AK5: variants seen among roughly 807,000 people sequenced by gnomAD.
AK5 encodes the protein adenylate kinase isoenzyme 5.
AK5 carries 27 observed loss-of-function variants against 69.5 expected under a neutral mutation model. The observed-to-expected ratio is 0.39, with a 90% CI of 0.29 to 0.54. The LOEUF is 0.54. AK5 is among the 20% of genes least tolerant of loss of function. The pLI is 0.71. For synonymous variants in AK5, 260 were observed against 244.4 expected (o/e 1.06, Z -0.60); for missense variants, 531 against 700.4 (o/e 0.76, Z 2.73).
chr1:77,538,893 G>C (rs539075777), intron 13 of AK5, among the ~76,000 whole-genome samples: 10 of 152,146 alleles, frequency 6.6e-5, no homozygotes, highest in Non-Finnish European at 1.2e-4. Flanking sequence ...TTCTAAGTTA[G>C]TGGTGTCCAA....
intron 10 of AK5, among the ~76,000 whole-genome samples, chr1:77,491,635 T>C (rs1217281153): frequency 3.3e-5 from 5 of 152,226 alleles, no homozygotes; most frequent in Admixed American, 2.0e-4. Context: ...ATCTACCTGC[T>C]GCTTAACATG....
intron 8 of AK5, among the ~76,000 whole-genome samples, chr1:77,479,366 C>T (rs899933783): frequency 2.6e-5 from 4 of 151,916 alleles, no homozygotes; most frequent in Non-Finnish European, 4.4e-5. Flanking sequence ...CCACTATGCC[C>T]GGCTAATTTT....
At chr1:77,431,501 G>A (rs554948105) in intron 8 of AK5, among the ~76,000 whole-genome samples, 1 of 152,290 alleles carries the variant, frequency 6.6e-6, no homozygotes, top group East Asian at 1.9e-4. Context: ...AGCATTGGCA[G>A]AGTATAAGTG....
intron 6 of AK5, among the ~76,000 whole-genome samples, chr1:77,342,406 A>G (rs1212062146): frequency 2.0e-5 from 3 of 152,152 alleles, no homozygotes; most frequent in African/African-American, 7.2e-5. Context: ...GGATATTATT[A>G]ATTTACTAAT....
chr1:77,382,781 ACTGT>A (rs1647740583), intron 6 of AK5, among the ~76,000 whole-genome samples: 1 of 152,246 alleles, frequency 6.6e-6, no homozygotes. Context: ...GATACTAAGC[ACTGT>A]CTAACAGATC....
intron 13 of AK5, among the ~76,000 whole-genome samples, chr1:77,537,325 G>T (rs1215878217): frequency 2.6e-5 from 4 of 152,040 alleles, no homozygotes; most frequent in Admixed American, 1.3e-4. Flanking sequence ...GGAAAAGAGG[G>T]TTAAGAGATG....
intron 6 of AK5, among the ~76,000 whole-genome samples, 169 bp from the exon 7 acceptor site, chr1:77,410,812 G>A (rs1420747611): frequency 6.6e-6 from 1 of 152,032 alleles, no homozygotes. Context: ...TTCGATAGGA[G>A]GTCTGGGCTT....
intron 5 of AK5, among the ~76,000 whole-genome samples, chr1:77,336,411 G>A (rs1284967092): frequency 6.6e-6 from 1 of 152,038 alleles, no homozygotes; most frequent in African/African-American, 2.4e-5. Flanking sequence ...TAACAACACT[G>A]TTTGCATAAA....
intron 5 of AK5, among the ~76,000 whole-genome samples, chr1:77,299,595 TG>T (rs1319490848): frequency 6.6e-6 from 1 of 152,182 alleles, no homozygotes; most frequent in Non-Finnish European, 1.5e-5. Context: ...CTTAAAGGCT[TG>T]GTTCTAATTG....
At chr1:77,442,329 C>T (rs1393228293) in intron 8 of AK5, among the ~76,000 whole-genome samples, 2 of 152,148 alleles carry the variant, frequency 1.3e-5, no homozygotes, top group Non-Finnish European at 2.9e-5. Context: ...GCCATGTGGG[C>T]ACAGAGGGTG....
intron 5 of AK5, among the ~76,000 whole-genome samples, chr1:77,324,322 T>C (rs1570379496): frequency 2.6e-5 from 1 of 37,988 alleles, no homozygotes; most frequent in Non-Finnish European, 6.2e-5. Flanking sequence ...CATTTGCGTG[T>C]GTGTGTGTGT....
intron 5 of AK5, among the ~76,000 whole-genome samples, chr1:77,305,890 G>T (rs1659608079): frequency 6.6e-6 from 1 of 151,950 alleles, no homozygotes; most frequent in African/African-American, 2.4e-5. Flanking sequence ...AATGTCATTG[G>T]TATTTTGTTA....
rs374567822 is a variant in AK5 at position 77,535,972 on chromosome 1, A to G, written c.1554A>G (p.Leu518=). The G allele has an allele frequency of 1.2e-4, 187 of 1,613,834 alleles. No individual in the cohort carries two copies. The highest frequency in any genetic ancestry group is 1.5e-4 in the Non-Finnish European group (182 of 1,180,004). Residue 518 remains leucine (L), a synonymous_variant, in exon 13 of 14, where the codon CTA becomes CTG. Transcript: ENST00000354567. ...CCACCAAGACCATCGCCAAGCGCCT[A>G]GAAGCCTACTACCGAGCGTCCATCC... ...DDTTKTIAKR[L]EAYYRASIPV...
At chr1:77,395,016 G>A (rs1245830591) in intron 6 of AK5, among the ~76,000 whole-genome samples, 4 of 151,108 alleles carry the variant, frequency 2.6e-5, no homozygotes, top group Non-Finnish European at 5.9e-5. Flanking sequence ...TGAATATGAG[G>A]GCCCTCCTCT....
chr1:77,428,092 T>A (rs1235204093), intron 8 of AK5, among the ~76,000 whole-genome samples: 1 of 152,162 alleles, frequency 6.6e-6, no homozygotes, highest in Admixed American at 6.5e-5. Flanking sequence ...CTCCAAATCG[T>A]ATTAATGACA....
intron 2 of AK5, among the ~76,000 whole-genome samples, chr1:77,288,165 A>G (rs1029108767): frequency 1.3e-5 from 2 of 152,234 alleles, no homozygotes; most frequent in African/African-American, 4.8e-5. Flanking sequence ...GTTTAGAACT[A>G]AAAACCGCAG....
At chr1:77,283,048 C>T (rs1020687166) in intron 1 of AK5, 1 of 985,410 alleles carries the variant, frequency 1.0e-6, no homozygotes, top group African/African-American at 1.7e-5. Flanking sequence ...GATAGCGGGT[C>T]GGGGAGGGAG....
intron 10 of AK5, among the ~76,000 whole-genome samples, chr1:77,512,406 A>G (rs1657401617): frequency 6.6e-6 from 1 of 152,344 alleles, no homozygotes; most frequent in Non-Finnish European, 1.5e-5. Flanking sequence ...AACGTAACTC[A>G]GGAAGAGCTA....
intron 5 of AK5, among the ~76,000 whole-genome samples, chr1:77,313,151 T>TA (rs2100298974): frequency 6.6e-6 from 1 of 152,286 alleles, no homozygotes; most frequent in South Asian, 2.1e-4. Flanking sequence ...CAATAGTATT[T>TA]ATATTTGAAT....
Sources: allele counts gnomAD v4.1 joint callset (sites outside exome capture counted in the v4.1 genomes callset), GRCh38; gene constraint gnomAD v4.1.1; transcripts MANE v1.5; gene names NCBI Gene and HGNC (gene_info 2026-07-23, HGNC 2026-07-21).